The following MDGA2 variants were observed in gnomAD, a reference collection of about 807,000 sequenced individuals.
MDGA2 encodes MAM domain containing glycosylphosphatidylinositol anchor 2.
MDGA2 carries 40 observed loss-of-function variants against 117.8 expected under a neutral mutation model. The ratio of observed to expected loss-of-function variants is 0.34; its 90% CI spans 0.26 to 0.44. The LOEUF is 0.44. Ranked by LOEUF, MDGA2 falls within the 20% of genes least tolerant of loss-of-function variation. MDGA2 has a pLI of 1.00. For synonymous variants in MDGA2, 452 were observed against 439.0 expected (o/e 1.03, Z -0.37); for missense variants, 1,123 against 1,250.6 (o/e 0.90, Z 1.54).
rs888214383 is a variant in MDGA2, at chr14:47,392,130, G to A, written c.281-90580C>T. On this transcript the variant is annotated intron_variant, in intron 1 of 16. Coordinates refer to ENST00000399232, the MANE Select transcript of MDGA2 (RefSeq NM_001113498.3). ...AGAGCGCATCAAATGGAAGGCGTAT[G>A]TAAAGAACTGAGTGAATAATGAATG... 2.6e-5 allele frequency among the ~76,000 whole-genome samples: 4 copies of A among 152,200 alleles called. No individual in the cohort carries two copies. The East Asian group carries it at 5.8e-4, about 22-fold the overall frequency.
chr14:47,158,718 G>T (rs1185683412), intron 3 of MDGA2, among the ~76,000 whole-genome samples: 3 of 152,150 alleles, frequency 2.0e-5, no homozygotes, highest in Admixed American at 2.0e-4. Flanking sequence ...GCCTCCCAAA[G>T]TGCTGGGATT....
At chr14:46,982,314 AAGT>A (rs551837723) in intron 8 of MDGA2, among the ~76,000 whole-genome samples, 10 of 152,284 alleles carry the variant, frequency 6.6e-5, no homozygotes, top group African/African-American at 2.4e-4. Context: ...AATGGTGTAA[AAGT>A]AGTATTATTA....
intron 6 of MDGA2, among the ~76,000 whole-genome samples, chr14:47,091,039 GGTTT>G (rs1158213440): frequency 1.3e-5 from 2 of 152,068 alleles, no homozygotes; most frequent in Admixed American, 6.6e-5. Flanking sequence ...CTTTTGGGAT[GGTTT>G]GTTACATAGC....
At chr14:47,639,907 A>G (rs945329089) in intron 1 of MDGA2, among the ~76,000 whole-genome samples, 2 of 152,192 alleles carry the variant, frequency 1.3e-5, no homozygotes, top group African/African-American at 4.8e-5. Flanking sequence ...TAGCTCCTTG[A>G]GAAAAGGGGC....
At chr14:47,482,477 G>A (rs550518971) in intron 1 of MDGA2, among the ~76,000 whole-genome samples, 5 of 152,054 alleles carry the variant, frequency 3.3e-5, no homozygotes, top group East Asian at 3.9e-4. Context: ...GTCTTTCACC[G>A]GGCTTCAGCT....
chr14:47,031,975 C>T (rs536372063), intron 8 of MDGA2, among the ~76,000 whole-genome samples: 9 of 152,304 alleles, frequency 5.9e-5, no homozygotes, highest in Non-Finnish European at 1.0e-4. Context: ...ATTACCCAGT[C>T]TCAGGTATTT....
At chr14:47,455,158 A>T (rs1893322267) in intron 1 of MDGA2, among the ~76,000 whole-genome samples, 1 of 152,242 alleles carries the variant, frequency 6.6e-6, no homozygotes, top group South Asian at 2.1e-4. Flanking sequence ...TGTACAAAAT[A>T]ATAAGCCAAA....
At chr14:47,235,467 C>G (rs1402651683) in intron 2 of MDGA2, among the ~76,000 whole-genome samples, 1 of 152,152 alleles carries the variant, frequency 6.6e-6, no homozygotes, top group African/African-American at 2.4e-5. Context: ...ATCTTAAAAA[C>G]CTTTCTGTTC....
At chr14:47,628,094 G>T (rs1185916602) in intron 1 of MDGA2, among the ~76,000 whole-genome samples, 1 of 152,106 alleles carries the variant, frequency 6.6e-6, no homozygotes, top group Admixed American at 6.5e-5. Context: ...GAGCGAACCT[G>T]AACTCTTTAC....
chr14:47,477,804 CTG>C (rs1893874497), intron 1 of MDGA2, among the ~76,000 whole-genome samples: 1 of 152,090 alleles, frequency 6.6e-6, no homozygotes, highest in Admixed American at 6.6e-5. Flanking sequence ...AGAAAAAAAA[CTG>C]TGACATCCCA....
chr14:47,568,297 A>G (rs1895956357), intron 1 of MDGA2, among the ~76,000 whole-genome samples: 1 of 152,196 alleles, frequency 6.6e-6, no homozygotes, highest in Admixed American at 6.5e-5. Context: ...ATTCATCAGC[A>G]GTCATTCTTT....
intron 1 of MDGA2, among the ~76,000 whole-genome samples, chr14:47,337,280 G>A (rs1890487899): frequency 6.6e-6 from 1 of 152,034 alleles, no homozygotes; most frequent in African/African-American, 2.4e-5. Flanking sequence ...AAAATTGTTT[G>A]TAAAGACCCT....
intron 1 of MDGA2, 85 bp downstream of exon 1, chr14:47,674,432 G>T (rs1277243940): frequency 2.5e-6 from 3 of 1,218,052 alleles, no homozygotes; most frequent in Non-Finnish European, 3.5e-6. Context: ...AGGGGCCCCG[G>T]AACGGCGCGA....
At chr14:47,534,684 T>C (rs985352641) in intron 1 of MDGA2, among the ~76,000 whole-genome samples, 2 of 152,146 alleles carry the variant, frequency 1.3e-5, no homozygotes, top group African/African-American at 2.4e-5. Flanking sequence ...GAGATTTGGG[T>C]GGGGACCCAG....
At position 47,565,300 on chromosome 14, in the gene MDGA2, T is replaced by G. The variant is rs141193822; in HGVS notation, c.280+109217A>C. Reference sequence around the variant, plus strand: ...TTGGATTGTTGTTGTTATTTTGTTTTGTTTTGTTTGCTTTTCTATCTTCTT... The same window carrying G: ...TTGGATTGTTGTTGTTATTTTGTTTGGTTTTGTTTGCTTTTCTATCTTCTT... On this transcript the variant is annotated intron_variant, in intron 1 of 16. Coordinates refer to ENST00000399232, the MANE Select transcript of MDGA2 (RefSeq NM_001113498.3). Among the ~76,000 whole-genome samples the G allele has an allele frequency of 3.9e-3, 594 of 152,354 alleles. 3 individuals are homozygous for G. Among genetic ancestry groups the G allele is most frequent in the African/African-American group, 0.013 (555 of 41,578 alleles).
At chr14:47,471,814 A>T (rs1173613100) in intron 1 of MDGA2, among the ~76,000 whole-genome samples, 3 of 152,096 alleles carry the variant, frequency 2.0e-5, no homozygotes, top group Non-Finnish European at 2.9e-5. Context: ...TTCCAATTTT[A>T]TATAATAATA....
chr14:47,575,545 T>C (rs1386668276), intron 1 of MDGA2, among the ~76,000 whole-genome samples: 1 of 152,208 alleles, frequency 6.6e-6, no homozygotes, highest in African/African-American at 2.4e-5. Context: ...TAATACAAGT[T>C]TTAAAGTATT....
intron 6 of MDGA2, among the ~76,000 whole-genome samples, chr14:47,074,413 C>G (rs1161996973): frequency 1.3e-5 from 2 of 152,254 alleles, no homozygotes; most frequent in East Asian, 3.9e-4. Context: ...ATTCTCCTGC[C>G]TCAGCCTCCC....
intron 8 of MDGA2, among the ~76,000 whole-genome samples, chr14:46,964,581 A>C (rs1281008623): frequency 1.3e-5 from 2 of 152,212 alleles, no homozygotes; most frequent in Non-Finnish European, 2.9e-5. Context: ...CATTGAGGAC[A>C]AAGGTATCCG....
Sources: allele counts gnomAD v4.1 joint callset (sites outside exome capture counted in the v4.1 genomes callset), GRCh38; gene constraint gnomAD v4.1.1; transcripts MANE v1.5; gene names NCBI Gene and HGNC (gene_info 2026-07-23, HGNC 2026-07-21).